The following WWOX variants were observed in gnomAD, a reference collection of about 807,000 sequenced individuals.
WWOX encodes WW domain-containing oxidoreductase.
Under a neutral mutation model 46.2 loss-of-function variants are expected in WWOX, and 69 were observed. The ratio of observed to expected loss-of-function variants is 1.49; its 90% CI spans 1.23 to 1.82. WWOX has a LOEUF of 1.82. Among genes scored for constraint, WWOX ranks in the 40% most tolerant of loss-of-function variants. The probability of loss-of-function intolerance (pLI) is 0.00; values close to 1 mark genes in which losing one functional copy is unlikely to be tolerated. For synonymous variants in WWOX, 359 were observed against 202.6 expected (o/e 1.77, Z -6.56); for missense variants, 919 against 542.6 (o/e 1.69, Z -6.89).
intron 8 of WWOX, among the ~76,000 whole-genome samples, chr16:78,771,935 A>G (rs559484839): frequency 1.7e-4 from 26 of 152,148 alleles, no homozygotes; most frequent in African/African-American, 5.5e-4. Context: ...CATTTTTTTG[A>G]AAAGAATAGT....
intron 8 of WWOX, among the ~76,000 whole-genome samples, chr16:78,592,457 G>A (rs537947450): frequency 6.6e-6 from 1 of 152,196 alleles, no homozygotes; most frequent in African/African-American, 2.4e-5. Context: ...GATGAGAATG[G>A]AAACATTCCA....
At chr16:78,615,938 G>C (rs1033178215) in intron 8 of WWOX, among the ~76,000 whole-genome samples, 1 of 152,050 alleles carries the variant, frequency 6.6e-6, no homozygotes, top group African/African-American at 2.4e-5. Context: ...TTTTAGTAGA[G>C]ACAGGGTTTC....
chr16:78,138,343 G>C (rs1371024844), intron 4 of WWOX, among the ~76,000 whole-genome samples: 1 of 142,080 alleles, frequency 7.0e-6, no homozygotes, highest in African/African-American at 2.6e-5. Context: ...ACATGTAACT[G>C]ATTTGTTTTT....
intron 5 of WWOX, among the ~76,000 whole-genome samples, chr16:78,304,491 G>T (rs370810980): frequency 7.3e-4 from 111 of 152,286 alleles, no homozygotes; most frequent in African/African-American, 2.5e-3. Context: ...CACCCATAGT[G>T]CTAGGGTGGG....
chr16:78,564,281 G>T (rs999036848), intron 8 of WWOX, among the ~76,000 whole-genome samples: 2 of 152,250 alleles, frequency 1.3e-5, no homozygotes, highest in African/African-American at 4.8e-5. Flanking sequence ...TTCGGGAGCT[G>T]TTGTAAAGAA....
intron 8 of WWOX, among the ~76,000 whole-genome samples, chr16:78,537,518 C>A (rs1471741203): frequency 6.6e-6 from 1 of 152,118 alleles, no homozygotes; most frequent in African/African-American, 2.4e-5. Flanking sequence ...ATATGATTTA[C>A]CTCTTCTCTT....
At chr16:78,566,452 G>T (rs989483761) in intron 8 of WWOX, among the ~76,000 whole-genome samples, 1 of 152,204 alleles carries the variant, frequency 6.6e-6, no homozygotes, top group Non-Finnish European at 1.5e-5. Flanking sequence ...AAGTTTTGCT[G>T]CCTTGGGCCT....
At chr16:79,119,985 C>T (rs751932694) in intron 8 of WWOX, among the ~76,000 whole-genome samples, 18 of 152,100 alleles carry the variant, frequency 1.2e-4, no homozygotes, top group Non-Finnish European at 2.4e-4. Flanking sequence ...TCCTACAGTC[C>T]AGTGTCAGTG....
chr16:78,716,948 G>C (rs763574608), intron 8 of WWOX, among the ~76,000 whole-genome samples: 2 of 152,160 alleles, frequency 1.3e-5, no homozygotes. Context: ...CCTTTCCCAA[G>C]ATCAGAGGAT....
intron 8 of WWOX, among the ~76,000 whole-genome samples, chr16:79,076,327 G>A (rs1046864319): frequency 6.6e-6 from 1 of 151,992 alleles, no homozygotes; most frequent in African/African-American, 2.4e-5. Context: ...TACTATCTTG[G>A]GCCTTCTTGG....
At chr16:78,858,133 A>G (rs1190221936) in intron 8 of WWOX, among the ~76,000 whole-genome samples, 3 of 113,604 alleles carry the variant, frequency 2.6e-5, no homozygotes, top group African/African-American at 1.0e-4. Flanking sequence ...CTATATACAT[A>G]CATTGTGTGT....
In WWOX at chr16:78,432,600, C is replaced by T. The variant is rs757597956; in HGVS notation, c.904C>T (p.Leu302Phe). 8 of 1,614,230 alleles carry T rather than the reference C, an allele frequency of 5.0e-6. No individual in the cohort carries two copies. The highest frequency in any genetic ancestry group is 3.3e-5 in the Admixed American group (2 of 60,032). The change falls in exon 8 of 9, where the codon CTC (leucine) becomes TTC (phenylalanine). Residue 302 changes from leucine to phenylalanine, a missense_variant. Physicochemically the swap from Leu to Phe is conservative, Grantham distance 22 (BLOSUM62 0). Coordinates refer to ENST00000566780, the MANE Select transcript of WWOX (RefSeq NM_016373.4). ...TAACAGGTCCAAGCTCTGCAACATC[C>T]TCTTCTCCAACGAGCTGCACCGTCG... is the stretch of plus-strand genomic sequence containing the variant. Reference protein sequence around the residue: ...AYNRSKLCNILFSNELHRRLS... With the variant: ...AYNRSKLCNIFFSNELHRRLS...
At chr16:78,682,550 T>G (rs1396079920) in intron 8 of WWOX, among the ~76,000 whole-genome samples, 1 of 152,090 alleles carries the variant, frequency 6.6e-6, no homozygotes, top group Non-Finnish European at 1.5e-5. Context: ...GCCATGGCAC[T>G]CCAGCCTGGG....
intron 8 of WWOX, among the ~76,000 whole-genome samples, chr16:78,541,703 C>T (rs893645710): frequency 8.6e-5 from 13 of 151,764 alleles, no homozygotes; most frequent in African/African-American, 3.1e-4. Context: ...AGCCTTTGTT[C>T]CCCTCCAGGT....
intron 8 of WWOX, among the ~76,000 whole-genome samples, chr16:78,556,688 C>G (rs979553810): frequency 6.6e-6 from 1 of 152,146 alleles, no homozygotes; most frequent in African/African-American, 2.4e-5. Flanking sequence ...TTTGTTTTCC[C>G]TGAGACCGGC....
chr16:79,054,280 T>C (rs2048222094), intron 8 of WWOX, among the ~76,000 whole-genome samples: 1 of 152,218 alleles, frequency 6.6e-6, no homozygotes, highest in Non-Finnish European at 1.5e-5. Context: ...CTTAAATCGC[T>C]ATTGTTTTAG....
intron 8 of WWOX, among the ~76,000 whole-genome samples, chr16:78,699,171 G>A (rs1488337612): frequency 6.6e-6 from 1 of 152,098 alleles, no homozygotes; most frequent in African/African-American, 2.4e-5. Context: ...ACAGGTCACG[G>A]GCCACATTTG....
At chr16:78,174,555 A>G (rs1351967098) in intron 5 of WWOX, among the ~76,000 whole-genome samples, 1 of 152,238 alleles carries the variant, frequency 6.6e-6, no homozygotes, top group Non-Finnish European at 1.5e-5. Context: ...TACATTTATT[A>G]CATCCAAATA....
chr16:79,085,670 GTACCTA>G (rs2048841302), intron 8 of WWOX, among the ~76,000 whole-genome samples: 1 of 152,072 alleles, frequency 6.6e-6, no homozygotes, highest in Non-Finnish European at 1.5e-5. Flanking sequence ...ATAACTGTTA[GTACCTA>G]GAAAAATGCA....
Sources: allele counts gnomAD v4.1 joint callset (sites outside exome capture counted in the v4.1 genomes callset), GRCh38; gene constraint gnomAD v4.1.1; transcripts MANE v1.5; gene names NCBI Gene and HGNC (gene_info 2026-07-23, HGNC 2026-07-21).